DGKB: variants seen among roughly 807,000 people sequenced by gnomAD.
The protein encoded by DGKB is diacylglycerol kinase beta.
Under a neutral mutation model 114.3 loss-of-function variants are expected in DGKB, and 67 were observed. The ratio of observed to expected loss-of-function variants is 0.59; its 90% confidence interval spans 0.48 to 0.72. DGKB has a LOEUF of 0.72. DGKB is among the 30% of genes least tolerant of loss of function. DGKB has a pLI of 0.00. For synonymous variants in DGKB, 398 were observed against 323.1 expected (o/e 1.23, Z -2.49); for missense variants, 907 against 975.2 (o/e 0.93, Z 0.93).
intron 20 of DGKB, among the ~76,000 whole-genome samples, chr7:14,562,782 G>C (rs1256470498): frequency 6.6e-6 from 1 of 152,136 alleles, no homozygotes; most frequent in Non-Finnish European, 1.5e-5. Flanking sequence ...TAGGCAGAAG[G>C]GACTTGCCTT....
intron 23 of DGKB, among the ~76,000 whole-genome samples, chr7:14,241,146 C>T (rs1207394994): frequency 6.6e-6 from 1 of 151,960 alleles, no homozygotes; most frequent in Admixed American, 6.6e-5. Context: ...CTAACCTAGC[C>T]CCATGGGCAT....
intron 13 of DGKB, among the ~76,000 whole-genome samples, chr7:14,648,163 T>A (rs1813534406): frequency 6.6e-6 from 1 of 152,246 alleles, no homozygotes; most frequent in Admixed American, 6.5e-5. Context: ...GAGGCCTGCC[T>A]GCCTCTGTAG....
At chr7:14,798,918 T>C (rs1261574363) in intron 2 of DGKB, among the ~76,000 whole-genome samples, 1 of 152,190 alleles carries the variant, frequency 6.6e-6, no homozygotes, top group African/African-American at 2.4e-5. Flanking sequence ...ACCGTCAATA[T>C]CTAGGAAAAT....
chr7:14,441,023 C>CT (rs959081784), intron 21 of DGKB, among the ~76,000 whole-genome samples: 11 of 151,706 alleles, frequency 7.3e-5, no homozygotes, highest in East Asian at 3.9e-4. Context: ...TTTTAGAATT[C>CT]TTTTTTTTCT....
intron 23 of DGKB, among the ~76,000 whole-genome samples, chr7:14,303,796 G>C (rs1235081247): frequency 6.6e-6 from 1 of 151,910 alleles, no homozygotes; most frequent in Non-Finnish European, 1.5e-5. Context: ...TGTGGCCCAG[G>C]AGCCTTTCAC....
intron 17 of DGKB, among the ~76,000 whole-genome samples, chr7:14,591,538 A>ATGT (rs1264146195): frequency 4.6e-5 from 7 of 152,008 alleles, no homozygotes; most frequent in African/African-American, 9.7e-5. Flanking sequence ...TCTGTCAGAC[A>ATGT]CTTCTTTTTT....
intron 1 of DGKB, among the ~76,000 whole-genome samples, chr7:14,923,862 G>A (rs1266944931): frequency 6.6e-6 from 1 of 151,694 alleles, no homozygotes; most frequent in African/African-American, 2.4e-5. Context: ...GGGTGTGGTG[G>A]TGCATGCCTG....
chr7:14,324,762 C>T (rs769240323), intron 23 of DGKB, among the ~76,000 whole-genome samples: 30 of 151,978 alleles, frequency 2.0e-4, no homozygotes, highest in African/African-American at 4.1e-4. Flanking sequence ...ATAACACACG[C>T]GAGAACAAGA....
At chr7:14,557,769 A>G (rs1313074040) in intron 20 of DGKB, among the ~76,000 whole-genome samples, 1 of 151,808 alleles carries the variant, frequency 6.6e-6, no homozygotes, top group Non-Finnish European at 1.5e-5. Context: ...TAAATTTCTT[A>G]ATTTTTTGGT....
At chr7:14,493,377 T>C (rs1259730670) in intron 20 of DGKB, among the ~76,000 whole-genome samples, 1 of 152,062 alleles carries the variant, frequency 6.6e-6, no homozygotes, top group African/African-American at 2.4e-5. Flanking sequence ...AATTAGAAAT[T>C]AGGTACAGTA....
At chr7:14,455,673 A>G (rs1487827063) in intron 21 of DGKB, among the ~76,000 whole-genome samples, 1 of 152,036 alleles carries the variant, frequency 6.6e-6, no homozygotes, top group Non-Finnish European at 1.5e-5. Flanking sequence ...CACTCTATTA[A>G]AAGTAATTGA....
intron 1 of DGKB, among the ~76,000 whole-genome samples, chr7:14,923,832 T>C (rs1188710629): frequency 6.6e-6 from 1 of 151,822 alleles, no homozygotes; most frequent in Non-Finnish European, 1.5e-5. Flanking sequence ...CTGTTTCTAC[T>C]AAAAATACAA....
chr7:14,883,027 C>T (rs963693437), intron 1 of DGKB, among the ~76,000 whole-genome samples: 6 of 151,622 alleles, frequency 4.0e-5, no homozygotes, highest in African/African-American at 1.5e-4. Context: ...AAGGTAATGG[C>T]TGAAGATTTA....
At chr7:14,447,502 C>A (rs769145591) in intron 21 of DGKB, among the ~76,000 whole-genome samples, 1 of 151,920 alleles carries the variant, frequency 6.6e-6, no homozygotes, top group Non-Finnish European at 1.5e-5. Flanking sequence ...ATAGAAATAG[C>A]TTTGTGTTGA....
At chr7:14,152,044 G>A (rs370713227) in intron 25 of DGKB, among the ~76,000 whole-genome samples, 1 of 151,936 alleles carries the variant, frequency 6.6e-6, no homozygotes, top group East Asian at 1.9e-4. Context: ...TCCTGGTTAC[G>A]GGGGGTTAAC....
chr7:14,961,931 C>T (rs1490774305), intron 1 of DGKB, among the ~76,000 whole-genome samples: 1 of 152,096 alleles, frequency 6.6e-6, no homozygotes, highest in Non-Finnish European at 1.5e-5. Context: ...ACTAGTAACA[C>T]AGCCCAAAGT....
chr7:14,895,403 AG>A (rs1217850982), intron 1 of DGKB, among the ~76,000 whole-genome samples: 2 of 151,566 alleles, frequency 1.3e-5, no homozygotes, highest in Non-Finnish European at 3.0e-5. Context: ...GGAGGTTTGC[AG>A]GTGGGGCAGG....
intron 17 of DGKB, among the ~76,000 whole-genome samples, chr7:14,602,533 A>C (rs1223024745): frequency 6.6e-6 from 1 of 152,132 alleles, no homozygotes; most frequent in African/African-American, 2.4e-5. Flanking sequence ...GAATGGGATT[A>C]GTGAATTTGT....
At chr7:14,648,674 G>A (rs952997639) in intron 13 of DGKB, among the ~76,000 whole-genome samples, 1 of 151,892 alleles carries the variant, frequency 6.6e-6, no homozygotes, top group Middle Eastern at 3.4e-3. Flanking sequence ...AGAGAAGAAG[G>A]CTTCAGTCGA....
Sources: allele counts gnomAD v4.1 joint callset (sites outside exome capture counted in the v4.1 genomes callset), GRCh38; gene constraint gnomAD v4.1.1; transcripts MANE v1.5; gene names NCBI Gene and HGNC (gene_info 2026-07-23, HGNC 2026-07-21).